The following CCBE1 variants were observed in gnomAD, a reference collection of about 807,000 sequenced individuals.
CCBE1 encodes the protein collagen and calcium-binding EGF domain-containing protein 1.
In CCBE1, 37 loss-of-function variants were observed where a neutral mutation model predicts 50.0. The ratio of observed to expected loss-of-function variants is 0.74; its 90% CI spans 0.57 to 0.97. CCBE1 has a LOEUF of 0.97. Ranked by LOEUF, CCBE1 falls within the 50% of genes least tolerant of loss-of-function variation. The pLI is 0.00. For synonymous variants in CCBE1, 234 were observed against 203.7 expected (o/e 1.15, Z -1.27); for missense variants, 538 against 523.8 (o/e 1.03, Z -0.26).
At chr18:59,502,463 A>AGTCTAT (rs1913668347) in intron 2 of CCBE1, among the ~76,000 whole-genome samples, 1 of 151,224 alleles carries the variant, frequency 6.6e-6, no homozygotes, top group Non-Finnish European at 1.5e-5. Context: ...AGGGAGGAAC[A>AGTCTAT]GGTATCCATT....
At chr18:59,568,218 T>G (rs1019309127) in intron 2 of CCBE1, 1 of 151,588 alleles carries the variant, frequency 6.6e-6, no homozygotes, top group African/African-American at 2.4e-5. Flanking sequence ...GTTGTAACAA[T>G]GCTGTCTTCT....
At chr18:59,524,542 A>G (rs912919876) in intron 2 of CCBE1, among the ~76,000 whole-genome samples, 1 of 152,224 alleles carries the variant, frequency 6.6e-6, no homozygotes, top group African/African-American at 2.4e-5. Context: ...TAAAAGAAAC[A>G]TAGATAAGTA....
chr18:59,674,992 C>T (rs571681690), intron 2 of CCBE1, among the ~76,000 whole-genome samples: 1 of 152,296 alleles, frequency 6.6e-6, no homozygotes, highest in South Asian at 2.1e-4. Flanking sequence ...TCTGTTTCCA[C>T]CAAGACTATC....
At chr18:59,631,613 AG>A (rs2053849405) in intron 2 of CCBE1, among the ~76,000 whole-genome samples, 1 of 152,248 alleles carries the variant, frequency 6.6e-6, no homozygotes, top group Non-Finnish European at 1.5e-5. Context: ...TGCAGGTTGT[AG>A]ACTACTGGAC....
intron 2 of CCBE1, among the ~76,000 whole-genome samples, chr18:59,633,227 A>G (rs1599083680): frequency 6.6e-6 from 1 of 152,178 alleles, no homozygotes; most frequent in African/African-American, 2.4e-5. Flanking sequence ...CAAGGATGAT[A>G]TTTTTTAATT....
chr18:59,504,330 C>T (rs1913767505), intron 2 of CCBE1, among the ~76,000 whole-genome samples: 1 of 151,634 alleles, frequency 6.6e-6, no homozygotes, highest in Non-Finnish European at 1.5e-5. Flanking sequence ...AAAGTATTTT[C>T]CTCAGTAAAG....
Position 59,675,578 on chromosome 18 carries a change from C to A in CCBE1, c.212+21051G>T, listed in dbSNP as rs566312808. ...ATAAGCTTCCTCCATCTCTCAACTC[C>A]ATTCTTTTGATAATCCCCAGTGATT... On this transcript the variant is annotated intron_variant, in intron 2 of 10. Coordinates refer to ENST00000439986, the MANE Select transcript of CCBE1 (RefSeq NM_133459.4). Among the ~76,000 whole-genome samples the A allele has an allele frequency of 4.2e-3, 644 of 152,300 alleles. 3 individuals carry two copies. Among genetic ancestry groups the A allele is most frequent in the Middle Eastern group, 0.01 (3 of 294 alleles).
intron 2 of CCBE1, among the ~76,000 whole-genome samples, chr18:59,692,863 A>T (rs1206442417): frequency 1.4e-5 from 2 of 142,822 alleles, no homozygotes; most frequent in African/African-American, 5.2e-5. Flanking sequence ...CTTAGCCTCC[A>T]CGTGGAGTTC....
intron 6 of CCBE1, 117 bp downstream of exon 6, chr18:59,454,734 A>C (rs1911099625): frequency 1.1e-6 from 1 of 903,574 alleles, no homozygotes; most frequent in Non-Finnish European, 1.8e-6. Context: ...CCTCACTGGC[A>C]TCAACTGCGT....
intron 10 of CCBE1, among the ~76,000 whole-genome samples, chr18:59,436,398 G>C (rs916826581): frequency 7.2e-5 from 11 of 152,164 alleles, no homozygotes; most frequent in African/African-American, 2.7e-4. Context: ...TAGAGGAAAG[G>C]ATATAAGAAT....
intron 2 of CCBE1, among the ~76,000 whole-genome samples, chr18:59,504,124 A>G (rs928986907): frequency 2.6e-5 from 4 of 152,200 alleles, no homozygotes; most frequent in African/African-American, 9.6e-5. Flanking sequence ...AAAATGATCA[A>G]ACATCATTGA....
At chr18:59,647,679 A>C (rs2054072933) in intron 2 of CCBE1, among the ~76,000 whole-genome samples, 1 of 152,196 alleles carries the variant, frequency 6.6e-6, no homozygotes, top group South Asian at 2.1e-4. Flanking sequence ...AATTACCTCC[A>C]ATTTATCAAA....
chr18:59,576,845 CTG>C (rs1268971033), intron 2 of CCBE1, among the ~76,000 whole-genome samples: 1 of 152,186 alleles, frequency 6.6e-6, no homozygotes, highest in African/African-American at 2.4e-5. Context: ...GATCTGTTTG[CTG>C]TCTTTTGAAG....
At chr18:59,508,034 G>A (rs1913959882) in intron 2 of CCBE1, among the ~76,000 whole-genome samples, 1 of 151,738 alleles carries the variant, frequency 6.6e-6, no homozygotes, top group Non-Finnish European at 1.5e-5. Context: ...GGGAGTACAG[G>A]GAAGCAAGCA....
intron 2 of CCBE1, among the ~76,000 whole-genome samples, chr18:59,633,286 C>T (rs557450141): frequency 2.0e-5 from 3 of 152,288 alleles, no homozygotes; most frequent in East Asian, 1.9e-4. Flanking sequence ...AAGCTCGCGA[C>T]GAATTACATG....
intron 2 of CCBE1, among the ~76,000 whole-genome samples, chr18:59,671,812 T>TA (rs60518510): frequency 0.061 from 8,028 of 132,038 alleles, 248 homozygotes; most frequent in East Asian, 0.082. Flanking sequence ...GTGGGAAGGT[T>TA]AAAAAAAAAG....
chr18:59,482,057 C>T (rs1473101549), intron 2 of CCBE1, among the ~76,000 whole-genome samples: 1 of 152,154 alleles, frequency 6.6e-6, no homozygotes, highest in Non-Finnish European at 1.5e-5. Flanking sequence ...TGCTCCCCAT[C>T]CCTCAACAGG....
At chr18:59,489,045 G>A (rs767441039) in intron 2 of CCBE1, among the ~76,000 whole-genome samples, 10 of 152,182 alleles carry the variant, frequency 6.6e-5, no homozygotes, top group Non-Finnish European at 1.3e-4. Flanking sequence ...GTGTTACCAC[G>A]TTCACTCCTG....
In CCBE1 at chr18:59,499,621, A is replaced by C. The variant is rs7238513; in HGVS notation, c.213-19383T>G. Among the ~76,000 whole-genome samples the C allele has an allele frequency of 7.4e-3, 1,133 of 152,276 alleles. 11 individuals carry two copies. The highest frequency in any genetic ancestry group is 0.026 in the African/African-American group (1,060 of 41,542). Reference sequence around the variant, plus strand: ...GATCCTGTGAGACGTATTCACTATCATGAGAACAGCACGGGAAAGAACTGC... The same window carrying C: ...GATCCTGTGAGACGTATTCACTATCCTGAGAACAGCACGGGAAAGAACTGC... On this transcript the variant is annotated intron_variant, in intron 2 of 10. Transcript: ENST00000439986.
Sources: gnomAD v4.1 joint callset for allele counts (sites outside exome capture counted in the v4.1 genomes callset) on GRCh38, gnomAD v4.1.1 for gene constraint, MANE v1.5 for transcripts, NCBI Gene and HGNC (gene_info 2026-07-23, HGNC 2026-07-21) for gene names.